Variants in TBC1D4 observed in about 807,000 individuals in gnomAD.
TBC1D4 encodes TBC (Tre-2, BUB2, CDC16) domain-containing protein.
A neutral mutation model predicts 142.5 loss-of-function variants in TBC1D4; 121 were observed. The observed-to-expected ratio is 0.85, with a 90% CI of 0.73 to 0.99. The LOEUF (loss-of-function observed/expected upper bound fraction) is 0.99, where lower values mean the gene tolerates loss of function less well. Ranked by LOEUF, TBC1D4 falls within the 50% of genes least tolerant of loss-of-function variation. The probability of loss-of-function intolerance (pLI) is 0.00; values close to 1 mark genes in which losing one functional copy is unlikely to be tolerated. For synonymous variants in TBC1D4, 630 were observed against 628.2 expected (o/e 1.00, Z -0.04); for missense variants, 1,475 against 1,606.6 (o/e 0.92, Z 1.40).
intron 15 of TBC1D4, among the ~76,000 whole-genome samples, chr13:75,305,884 A>G (rs1444215086): frequency 6.6e-6 from 1 of 152,200 alleles, no homozygotes; most frequent in Non-Finnish European, 1.5e-5. Context: ...AAATGAATGG[A>G]TGAAAGAAAA....
chr13:75,324,898 G>A (rs954078526), intron 10 of TBC1D4, among the ~76,000 whole-genome samples: 3 of 152,170 alleles, frequency 2.0e-5, no homozygotes, highest in South Asian at 2.1e-4. Flanking sequence ...ATTAATGTCC[G>A]TGTTCTTTCC....
rs867394861 is a variant in TBC1D4, at chr13:75,285,697, A to T, written c.*1095T>A. The T allele has an allele frequency of 2.0e-5, 3 of 152,660 alleles. No individual in the cohort carries two copies. Among genetic ancestry groups the T allele is most frequent in the Non-Finnish European group, 4.4e-5 (3 of 68,040 alleles). 9.5% of individuals were successfully genotyped at this position (152,660 alleles called of 1,614,324 possible). A position where few individuals can be genotyped will look rare whatever the true frequency, so the allele number is the denominator to read the frequency against. ...CACAGTTCTCAAAACTTTTCACATA[A>T]AAGGGGAAGATTATTAAAGCTTATT... On this transcript the variant is annotated 3_prime_UTR_variant, in exon 21 of 21. Coordinates refer to ENST00000377636, the MANE Select transcript of TBC1D4 (RefSeq NM_014832.5).
At chr13:75,475,041 G>C (rs1419926885) in intron 1 of TBC1D4, among the ~76,000 whole-genome samples, 2 of 152,226 alleles carry the variant, frequency 1.3e-5, no homozygotes, top group South Asian at 4.1e-4. Flanking sequence ...GATCTCCTAA[G>C]AGAAGCAGTG....
intron 1 of TBC1D4, among the ~76,000 whole-genome samples, chr13:75,374,932 C>A (rs754964744): frequency 5.9e-4 from 90 of 152,178 alleles, no homozygotes; most frequent in Non-Finnish European, 1.1e-3. Flanking sequence ...CTTGCACCCT[C>A]CCCCAGGTCC....
At chr13:75,299,137 G>A (rs141854223) in intron 17 of TBC1D4, among the ~76,000 whole-genome samples, 193 bp downstream of exon 17, 10 of 152,228 alleles carry the variant, frequency 6.6e-5, no homozygotes, top group African/African-American at 1.9e-4. Context: ...TTCTGCCTCT[G>A]GGTCTCATAC....
intron 1 of TBC1D4, among the ~76,000 whole-genome samples, chr13:75,372,345 T>C (rs902764978): frequency 6.6e-6 from 1 of 152,000 alleles, no homozygotes; most frequent in Non-Finnish European, 1.5e-5. Flanking sequence ...CTCAGCTCAC[T>C]GCAGGCCTCC....
At chr13:75,341,047 C>T (rs1258905018) in intron 7 of TBC1D4, 78 bp downstream of exon 7, 1 of 1,288,168 alleles carries the variant, frequency 7.8e-7, no homozygotes, top group Admixed American at 1.7e-5. Context: ...CCCTAAAGAA[C>T]CTGAGAGTAC....
intron 1 of TBC1D4, among the ~76,000 whole-genome samples, chr13:75,408,561 G>T (rs1312638357): frequency 2.0e-5 from 3 of 152,148 alleles, no homozygotes; most frequent in African/African-American, 7.2e-5. Context: ...AGAGAGTTAC[G>T]TTTTCATTTC....
rs918299682 is a variant in TBC1D4, at chr13:75,302,319, T to C, written c.2835A>G (p.Gln945=). 3.1e-6 allele frequency: 5 copies of C among 1,614,180 alleles called. No individual in the cohort carries two copies. Among genetic ancestry groups the C allele is most frequent in the Admixed American group, 3.3e-5 (2 of 60,018 alleles). ...YRLRHRLPNK[Q]QPPDISYKEL... ...CCTTATAGGATATGTCAGGAGGCTG[T>C]TGTTTATTAGGCAATCTGTGTCTGA... is the stretch of plus-strand genomic sequence containing the variant. Residue 945 remains glutamine (Q), a synonymous_variant, in exon 16 of 21, where the codon CAA becomes CAG. Coordinates refer to ENST00000377636, the MANE Select transcript of TBC1D4 (RefSeq NM_014832.5).
intron 1 of TBC1D4, among the ~76,000 whole-genome samples, chr13:75,410,319 A>T (rs1885584107): frequency 1.3e-5 from 2 of 152,274 alleles, no homozygotes; most frequent in East Asian, 1.9e-4. Flanking sequence ...ACACACAGTA[A>T]TCCAGGTGCG....
At chr13:75,293,224 CTA>C (rs1244001777) in intron 18 of TBC1D4, among the ~76,000 whole-genome samples, 49 of 152,282 alleles carry the variant, frequency 3.2e-4, no homozygotes, top group African/African-American at 1.1e-3. Flanking sequence ...TTCTCTCAAT[CTA>C]TGTCATTCTT....
At position 75,337,023 on chromosome 13, in the gene TBC1D4, T is replaced by C. The variant is rs1035173361; in HGVS notation, c.1629A>G (p.Thr543=). The C allele has an allele frequency of 3.1e-6, 5 of 1,613,314 alleles. No homozygotes were observed. Among genetic ancestry groups the C allele is most frequent in the Non-Finnish European group, 4.2e-6 (5 of 1,179,494 alleles). Reference sequence around the variant, plus strand: ...CACTGCTTGTTGCATTTTCTGGGATTGTACTATTTGAAATAGTCTAAAAAA... The same window carrying C: ...CACTGCTTGTTGCATTTTCTGGGATCGTACTATTTGAAATAGTCTAAAAAA... ...GEGPSTISNS[T]IPENATSSGR... is the part of the protein sequence containing the mutation. Residue 543 remains threonine, a synonymous_variant, in exon 8 of 21, where the codon ACA becomes ACG. Coordinates refer to ENST00000377636, the MANE Select transcript of TBC1D4 (RefSeq NM_014832.5).
chr13:75,360,960 A>C (rs1270004348), intron 2 of TBC1D4, among the ~76,000 whole-genome samples: 2 of 152,190 alleles, frequency 1.3e-5, no homozygotes, highest in African/African-American at 4.8e-5. Flanking sequence ...TTCTTAGGAA[A>C]TCTTTAAAAT....
intron 7 of TBC1D4, 120 bp downstream of exon 7, chr13:75,341,005 G>GGGTA: frequency 1.2e-6 from 1 of 829,210 alleles, no homozygotes; most frequent in Non-Finnish European, 2.1e-6. Context: ...GGGAGTGAGG[G>GGGTA]GGTAGTTCAG....
chr13:75,426,716 C>T (rs17064426), intron 1 of TBC1D4, among the ~76,000 whole-genome samples: 5,399 of 151,930 alleles, frequency 0.036, 327 homozygotes, highest in African/African-American at 0.12. Flanking sequence ...AAAAAGCATC[C>T]CCAAAACAAA....
At position 75,337,267 on chromosome 13, in the gene TBC1D4, A is replaced by G. The variant is rs476956; in HGVS notation, c.1612-227T>C. Reference sequence around the variant, plus strand: ...AAGACAGATGTAAAATATTTCCTTCATGCCTTTCCTTTCCATGAATACACT... The same window carrying G: ...AAGACAGATGTAAAATATTTCCTTCGTGCCTTTCCTTTCCATGAATACACT... On this transcript the variant is annotated intron_variant, in intron 7 of 20. Coordinates refer to ENST00000377636, the MANE Select transcript of TBC1D4 (RefSeq NM_014832.5). Among the ~76,000 whole-genome samples, 358 of 152,304 alleles carry G rather than the reference A, an allele frequency of 2.4e-3. 2 individuals carry two copies. The highest frequency in any genetic ancestry group is 7.9e-3 in the African/African-American group (330 of 41,568).
chr13:75,385,846 T>C (rs1884136932), intron 1 of TBC1D4, among the ~76,000 whole-genome samples: 1 of 152,206 alleles, frequency 6.6e-6, no homozygotes, highest in Non-Finnish European at 1.5e-5. Flanking sequence ...TCATGTTAAC[T>C]GGATCAAGAA....
chr13:75,479,131 A>C (rs2138357035), intron 1 of TBC1D4, among the ~76,000 whole-genome samples: 1 of 152,276 alleles, frequency 6.6e-6, no homozygotes, highest in Admixed American at 6.5e-5. Flanking sequence ...CCAGTCCTCC[A>C]TGGTCCTCAC....
rs538292917 is a variant in TBC1D4 at position 75,428,570 on chromosome 13, A to C, written c.498+52700T>G. The stretch of plus-strand genomic sequence containing the variant: ...TTATGAATAAAATCAAGACTCTTTT[A>C]ATCTAAATCACTCTATGTACAGAAT... On this transcript the variant is annotated intron_variant, in intron 1 of 20. Transcript: ENST00000377636. Among the ~76,000 whole-genome samples the C allele has an allele frequency of 3.3e-5, 5 of 152,330 alleles. No homozygotes were observed. The East Asian group carries it at 9.6e-4, about 29-fold the overall frequency.
Sources: allele counts gnomAD v4.1 joint callset (sites outside exome capture counted in the v4.1 genomes callset), GRCh38; gene constraint gnomAD v4.1.1; transcripts MANE v1.5; gene names NCBI Gene and HGNC (gene_info 2026-07-23, HGNC 2026-07-21).